CDH12: variants seen among roughly 807,000 people sequenced by gnomAD.
The protein encoded by CDH12 is cadherin-12.
CDH12 carries 41 observed loss-of-function variants against 74.1 expected under a neutral mutation model. The observed-to-expected ratio is 0.55, with a 90% CI of 0.43 to 0.72. CDH12 has a LOEUF of 0.72. Ranked by LOEUF, CDH12 falls within the 30% of genes least tolerant of loss-of-function variation. CDH12 has a pLI of 0.00. For missense variants in CDH12, 945 were observed against 977.2 expected (o/e 0.97, Z 0.44); for synonymous variants, 399 against 355.0 (o/e 1.12, Z -1.39).
At chr5:21,973,798 T>C (rs1011992955) in intron 6 of CDH12, among the ~76,000 whole-genome samples, 2 of 152,200 alleles carry the variant, frequency 1.3e-5, no homozygotes, top group Non-Finnish European at 2.9e-5. Flanking sequence ...CGTTAAAATG[T>C]AGCCTCCCTC....
chr5:22,204,159 T>TC, intron 4 of CDH12, among the ~76,000 whole-genome samples: 1 of 29,800 alleles, frequency 3.4e-5, no homozygotes. Context: ...TTTTGTTTTG[T>TC]TTGTTTTTTT....
rs527721857 is a variant in CDH12 at position 22,081,737 on chromosome 5, G to A, written c.-186-2875C>T. On this transcript the variant is annotated intron_variant, in intron 4 of 14. Coordinates refer to ENST00000382254, the MANE Select transcript of CDH12 (RefSeq NM_004061.5). ...TATGACAACATTCATCATCATTGCC[G>A]CCAGTCTGGTCCAAATTCTCCTTTT... Among the ~76,000 whole-genome samples, 3 of 152,182 alleles carry A rather than the reference G, an allele frequency of 2.0e-5. No individual in the cohort carries two copies. In the East Asian group the frequency reaches 5.8e-4, roughly 30 times the overall value.
intron 3 of CDH12, among the ~76,000 whole-genome samples, chr5:22,393,028 A>C (rs900559412): frequency 6.6e-6 from 1 of 152,070 alleles, no homozygotes; most frequent in Non-Finnish European, 1.5e-5. Context: ...ATTCCCCAAC[A>C]ATGTCTCTAA....
At chr5:21,966,157 C>CTT (rs1756571809) in intron 6 of CDH12, among the ~76,000 whole-genome samples, 3 of 128,286 alleles carry the variant, frequency 2.3e-5, no homozygotes, top group African/African-American at 1.0e-4. Flanking sequence ...TCTATTTTTA[C>CTT]GTTTTTTTTT....
chr5:21,799,534 A>G (rs1294285699), intron 10 of CDH12, among the ~76,000 whole-genome samples: 1 of 152,182 alleles, frequency 6.6e-6, no homozygotes, highest in Admixed American at 6.6e-5. Context: ...TGCTATTTCA[A>G]AAAAAGCCAG....
intron 1 of CDH12, among the ~76,000 whole-genome samples, chr5:22,716,530 T>A (rs1288025804): frequency 2.0e-5 from 3 of 152,100 alleles, no homozygotes; most frequent in African/African-American, 7.2e-5. Context: ...ATTCTATCAT[T>A]GGTTTTTGTA....
chr5:21,972,501 A>G (rs966461798), intron 6 of CDH12, among the ~76,000 whole-genome samples: 15 of 152,218 alleles, frequency 9.9e-5, no homozygotes, highest in African/African-American at 3.4e-4. Flanking sequence ...ATAGAAAAAC[A>G]TAATGTTTTC....
At chr5:22,655,249 A>T (rs1739973078) in intron 1 of CDH12, among the ~76,000 whole-genome samples, 1 of 152,160 alleles carries the variant, frequency 6.6e-6, no homozygotes, top group African/African-American at 2.4e-5. Flanking sequence ...CGATGGCAAC[A>T]TCTTCCTCAC....
intron 9 of CDH12, among the ~76,000 whole-genome samples, chr5:21,810,113 C>A (rs4481317): frequency 6.6e-6 from 1 of 152,098 alleles, no homozygotes; most frequent in Non-Finnish European, 1.5e-5. Flanking sequence ...ATGAACATGC[C>A]TGTAAATGTG....
intron 2 of CDH12, among the ~76,000 whole-genome samples, chr5:22,444,069 A>C (rs1744727653): frequency 6.6e-6 from 1 of 152,246 alleles, no homozygotes; most frequent in African/African-American, 2.4e-5. Flanking sequence ...AGGCTAAAAT[A>C]ACAAATGATA....
rs543744004 is a variant in CDH12, at chr5:22,625,985, C to G, written c.-522-120621G>C. 7.2e-5 allele frequency among the ~76,000 whole-genome samples: 11 copies of G among 152,200 alleles called. 1 individual carries two copies. In the South Asian group the frequency reaches 2.1e-3, roughly 29 times the overall value. On this transcript the variant is annotated intron_variant, in intron 1 of 14. Coordinates refer to ENST00000382254, the MANE Select transcript of CDH12 (RefSeq NM_004061.5). ...CCCCTCCTCCAATGGCATGTGTGCA[C>G]CCTGCTCCCCCACTGTACTGGCAGT...
chr5:22,388,445 C>A (rs917311497), intron 3 of CDH12, among the ~76,000 whole-genome samples: 1 of 151,960 alleles, frequency 6.6e-6, no homozygotes, highest in Non-Finnish European at 1.5e-5. Context: ...CAGCTTAACA[C>A]AGTTGCCTGA....
At chr5:22,045,114 A>G (rs903111323) in intron 5 of CDH12, among the ~76,000 whole-genome samples, 2 of 152,194 alleles carry the variant, frequency 1.3e-5, no homozygotes, top group African/African-American at 4.8e-5. Context: ...TAATATTCCA[A>G]TTACAAAATT....
intron 6 of CDH12, among the ~76,000 whole-genome samples, chr5:21,912,441 A>C (rs138328027): frequency 6.6e-6 from 1 of 152,138 alleles, no homozygotes; most frequent in African/African-American, 2.4e-5. Context: ...TGGGAGAGAA[A>C]GACTGAAGTC....
chr5:22,112,504 T>G (rs1744872903), intron 4 of CDH12, among the ~76,000 whole-genome samples: 1 of 152,160 alleles, frequency 6.6e-6, no homozygotes, highest in Admixed American at 6.6e-5. Flanking sequence ...TAATTTAAAC[T>G]AAAAGGTCAG....
At chr5:22,837,383 G>A (rs1249314710) in intron 1 of CDH12, among the ~76,000 whole-genome samples, 1 of 151,946 alleles carries the variant, frequency 6.6e-6, no homozygotes, top group Non-Finnish European at 1.5e-5. Context: ...ACTTCAGCCT[G>A]GGCAACAGGG....
At chr5:21,891,572 T>TACACATACACACACACAC (rs1554041530) in intron 6 of CDH12, among the ~76,000 whole-genome samples, 1 of 144,954 alleles carries the variant, frequency 6.9e-6, no homozygotes, top group Non-Finnish European at 1.5e-5. Flanking sequence ...CACACACACA[T>TACACATACACACACACAC]ACACACACAC....
chr5:22,147,675 A>G (rs991611213), intron 4 of CDH12, among the ~76,000 whole-genome samples: 6 of 152,008 alleles, frequency 3.9e-5, no homozygotes, highest in African/African-American at 1.4e-4. Flanking sequence ...CAAAAGGCAC[A>G]TCTTACATGG....
intron 1 of CDH12, among the ~76,000 whole-genome samples, chr5:22,835,345 G>T (rs1736776091): frequency 1.3e-5 from 2 of 152,056 alleles, no homozygotes; most frequent in Non-Finnish European, 2.9e-5. Context: ...GGAAAACTAG[G>T]ATATCCTAAA....
Sources: gnomAD v4.1 joint callset for allele counts (sites outside exome capture counted in the v4.1 genomes callset) on GRCh38, gnomAD v4.1.1 for gene constraint, MANE v1.5 for transcripts, NCBI Gene and HGNC (gene_info 2026-07-23, HGNC 2026-07-21) for gene names.